The following SVIL variants were observed in gnomAD, a reference collection of about 807,000 sequenced individuals.
SVIL encodes the protein archvillin.
SVIL carries 101 observed loss-of-function variants against 240.4 expected under a neutral mutation model. That is an observed-to-expected ratio of 0.42 (90% CI 0.36 to 0.50). The LOEUF is 0.50. SVIL is among the 20% of genes least tolerant of loss of function. SVIL has a pLI of 0.01. For missense variants in SVIL, 2,512 were observed against 2,818.7 expected (o/e 0.89, Z 2.46); for synonymous variants, 999 against 1,100.0 (o/e 0.91, Z 1.82).
chr10:29,720,864 T>C (rs1357587100), intron 1 of SVIL, among the ~76,000 whole-genome samples: 1 of 152,212 alleles, frequency 6.6e-6, no homozygotes, highest in Non-Finnish European at 1.5e-5. Flanking sequence ...GGTTTGTTTT[T>C]TGAGACACAG....
chr10:29,605,256 C>A (rs1956977070), intron 1 of SVIL, among the ~76,000 whole-genome samples: 1 of 152,160 alleles, frequency 6.6e-6, no homozygotes. Context: ...GGTTTCTATT[C>A]TTTTGCTGTT....
At chr10:29,581,079 T>C (rs1955925888) in intron 1 of SVIL, among the ~76,000 whole-genome samples, 1 of 152,184 alleles carries the variant, frequency 6.6e-6, no homozygotes, top group Non-Finnish European at 1.5e-5. Flanking sequence ...TTTAATGAAA[T>C]CTACTATAAG....
At chr10:29,705,363 T>A (rs952306458) in intron 1 of SVIL, among the ~76,000 whole-genome samples, 3 of 152,110 alleles carry the variant, frequency 2.0e-5, no homozygotes, top group Non-Finnish European at 4.4e-5. Context: ...TGTGATAAAT[T>A]GAAGGATCTT....
At chr10:29,652,808 T>C (rs1333749257) in intron 3 of SVIL, among the ~76,000 whole-genome samples, 1 of 152,216 alleles carries the variant, frequency 6.6e-6, no homozygotes, top group Non-Finnish European at 1.5e-5. Flanking sequence ...AAAAACCTTC[T>C]CATGTGCTTA....
intron 1 of SVIL, among the ~76,000 whole-genome samples, chr10:29,602,892 A>T (rs1290925456): frequency 1.3e-5 from 2 of 152,216 alleles, no homozygotes; most frequent in Non-Finnish European, 2.9e-5. Context: ...AGGCTGAGGC[A>T]GGAGAATTGC....
chr10:29,578,960 AT>A (rs113659006), intron 1 of SVIL, among the ~76,000 whole-genome samples: 74,210 of 152,040 alleles, frequency 0.49, 18,173 homozygotes, highest in Admixed American at 0.56. Flanking sequence ...TGAAACAGAA[AT>A]ATTTGCATGT....
chr10:29,651,245 T>C (rs1958825197), intron 3 of SVIL, among the ~76,000 whole-genome samples: 1 of 152,074 alleles, frequency 6.6e-6, no homozygotes, highest in Non-Finnish European at 1.5e-5. Flanking sequence ...ACCAGCACCT[T>C]TTTGGGCATT....
At chr10:29,694,170 G>A (rs11007700) in intron 1 of SVIL, among the ~76,000 whole-genome samples, 4,575 of 150,678 alleles carry the variant, frequency 0.03, 101 homozygotes, top group Non-Finnish European at 0.045. Context: ...CGAGGCCGGA[G>A]GATTGCTTGA....
At chr10:29,670,589 T>C (rs1187853612) in intron 2 of SVIL, among the ~76,000 whole-genome samples, 2 of 152,246 alleles carry the variant, frequency 1.3e-5, no homozygotes, top group Admixed American at 6.5e-5. Context: ...ACATAATCCA[T>C]ATCAAAGCAT....
chr10:29,506,711 G>A (rs1949343266), intron 17 of SVIL, among the ~76,000 whole-genome samples: 1 of 149,634 alleles, frequency 6.7e-6, no homozygotes. Context: ...TACGAGGGAG[G>A]GGATAGAGAC....
chr10:29,719,401 T>C (rs1017464117), intron 1 of SVIL, among the ~76,000 whole-genome samples: 5 of 152,172 alleles, frequency 3.3e-5, no homozygotes, highest in Non-Finnish European at 7.3e-5. Context: ...CTCCAAGTAA[T>C]TTATCTACAT....
intron 1 of SVIL, among the ~76,000 whole-genome samples, chr10:29,604,200 CTCTT>C (rs1426312219): frequency 1.6e-5 from 2 of 127,242 alleles, no homozygotes; most frequent in African/African-American, 5.3e-5. Context: ...ATTATTGTTC[CTCTT>C]TTTTTTTTTT....
At position 29,481,627 on chromosome 10, in the gene SVIL, T is replaced by C; in HGVS notation, c.5057A>G (p.Lys1686Arg). Residue 1686 changes from lysine to arginine, a missense_variant, in exon 28 of 38, where the codon AAG (lysine) becomes AGG (arginine). Physicochemically the swap from Lys to Arg is conservative, Grantham distance 26. Coordinates refer to ENST00000355867, the MANE Select transcript of SVIL (RefSeq NM_021738.3). ...CCCGGGGTTCTTCTCATTCGATCTC[T>C]TCAGTTCCGTCCAATCCAGAAACTT... is the stretch of plus-strand genomic sequence containing the variant. ...KEKFLDWTEL[K>R]RSNEKNPGEL... 2 of 1,614,184 alleles carry C rather than the reference T, an allele frequency of 1.2e-6. No individual in the cohort carries two copies. Among genetic ancestry groups the C allele is most frequent in the Non-Finnish European group, 1.7e-6 (2 of 1,180,032 alleles).
chr10:29,527,724 C>CTTTT (rs1213694531), intron 12 of SVIL, among the ~76,000 whole-genome samples: 13 of 99,908 alleles, frequency 1.3e-4, no homozygotes, highest in Non-Finnish European at 1.6e-4. Context: ...TGGGCCCAGC[C>CTTTT]TTTTTTTTTT....
chr10:29,734,531 A>C (rs1964788428), intron 1 of SVIL, among the ~76,000 whole-genome samples: 1 of 152,186 alleles, frequency 6.6e-6, no homozygotes, highest in Non-Finnish European at 1.5e-5. Flanking sequence ...AGAGGTTGTA[A>C]GGTTTAAAGA....
chr10:29,573,745 A>G lies in SVIL; in HGVS notation c.-200-4433T>C, dbSNP rs567870346. On this transcript the variant is annotated intron_variant, in intron 1 of 37. Coordinates refer to ENST00000355867, the MANE Select transcript of SVIL (RefSeq NM_021738.3). ...TTTCCCGCTCTGTCACCCAGGCTGG[A>G]GTGCAATGGCATGTCTCTTGGGTCA... Among the ~76,000 whole-genome samples the G allele has an allele frequency of 2.6e-5, 4 of 151,334 alleles. No individual in the cohort carries two copies. The East Asian group carries it at 7.8e-4, about 29-fold the overall frequency.
At chr10:29,498,792 G>A (rs1176094571) in intron 18 of SVIL, among the ~76,000 whole-genome samples, 1 of 152,100 alleles carries the variant, frequency 6.6e-6, no homozygotes, top group Non-Finnish European at 1.5e-5. Flanking sequence ...ACCAGCCTGG[G>A]CAACACAGCG....
chr10:29,499,013 CT>C (rs1948671708), intron 18 of SVIL, 102 bp downstream of exon 18: 1 of 1,451,182 alleles, frequency 6.9e-7, no homozygotes, highest in Non-Finnish European at 9.2e-7. Context: ...ATGGTTTCTT[CT>C]TTTAAATTGA....
At chr10:29,664,384 A>G (rs1027923472) in intron 2 of SVIL, among the ~76,000 whole-genome samples, 3 of 152,204 alleles carry the variant, frequency 2.0e-5, no homozygotes, top group Non-Finnish European at 2.9e-5. Context: ...TGACAGATAC[A>G]TGCATGTGTG....
Sources: gnomAD v4.1 joint callset for allele counts (sites outside exome capture counted in the v4.1 genomes callset) on GRCh38, gnomAD v4.1.1 for gene constraint, MANE v1.5 for transcripts, NCBI Gene and HGNC (gene_info 2026-07-23, HGNC 2026-07-21) for gene names.